The following COL4A5 variants were observed in gnomAD, a reference collection of about 807,000 sequenced individuals.
The protein encoded by COL4A5 is collagen alpha-5(IV) chain.
COL4A5 carries 26 observed loss-of-function variants against 130.2 expected under a neutral mutation model. That is an observed-to-expected ratio of 0.20 (90% CI 0.15 to 0.28). COL4A5 has a LOEUF of 0.28. Among genes scored for constraint, COL4A5 ranks in the 10% least tolerant of loss-of-function variants. The pLI is 1.00. For missense variants in COL4A5, 1,131 were observed against 1,344.3 expected, an observed-to-expected ratio of 0.84 and a Z score of 2.48; for synonymous variants, 496 against 439.6, an observed-to-expected ratio of 1.13 and a Z score of -1.60.
At chrX:108,609,430 G>C (rs1002680292) in intron 29 of COL4A5, among the ~76,000 whole-genome samples, 2 of 111,458 alleles carry the variant, frequency 1.8e-5, no homozygotes, top group African/African-American at 6.5e-5. Context: ...TTGAAAGATG[G>C]TTTGTTTCTC....
At chrX:108,527,928 A>G (rs73526214) in intron 1 of COL4A5, among the ~76,000 whole-genome samples, 11,532 of 111,237 alleles carry the variant, frequency 0.1, 1,299 homozygotes, top group African/African-American at 0.34. Context: ...ACACTGCTCA[A>G]GACCCAGACA....
chrX:108,441,843 T>C lies in COL4A5; in HGVS notation c.81+1637T>C, dbSNP rs180870625. 8.3e-3 allele frequency among the ~76,000 whole-genome samples: 928 copies of C among 112,055 alleles called. 7 individuals are homozygous for C. Among genetic ancestry groups the C allele is most frequent in the Non-Finnish European group, 0.015 (772 of 53,161 alleles). ...TAACAAATTTGCACCAGATGACAAC[T>C]ATACAGGTATGTATAGCAACACTAC... On this transcript the variant is annotated intron_variant, in intron 1 of 52. Transcript: ENST00000328300.
At chrX:108,483,430 A>C (rs2064912884) in intron 1 of COL4A5, among the ~76,000 whole-genome samples, 1 of 111,182 alleles carries the variant, frequency 9.0e-6, no homozygotes, top group Non-Finnish European at 1.9e-5. Flanking sequence ...AAGCTAGGCC[A>C]ATCTCTCCTT....
At chrX:108,581,866 C>A (rs1165084106) in intron 16 of COL4A5, among the ~76,000 whole-genome samples, 2 of 109,587 alleles carry the variant, frequency 1.8e-5, no homozygotes, top group Non-Finnish European at 3.8e-5. Flanking sequence ...TAAATATTCC[C>A]ATACAGTTTT....
intron 36 of COL4A5, among the ~76,000 whole-genome samples, chrX:108,635,519 T>G (rs1046544276): frequency 9.0e-6 from 1 of 111,637 alleles, no homozygotes; most frequent in Non-Finnish European, 1.9e-5. Flanking sequence ...TACTACAGAT[T>G]CATCCCTTTC....
At chrX:108,602,348 C>A (rs763556074) in intron 27 of COL4A5, among the ~76,000 whole-genome samples, 1 of 112,133 alleles carries the variant, frequency 8.9e-6, no homozygotes, top group Admixed American at 9.5e-5. Flanking sequence ...AGAAAACAGA[C>A]TTATTGCAGA....
chrX:108,484,085 G>GT (rs1051586527), intron 1 of COL4A5, among the ~76,000 whole-genome samples: 1 of 111,793 alleles, frequency 8.9e-6, no homozygotes, highest in Non-Finnish European at 1.9e-5. Flanking sequence ...TTTGCTGATA[G>GT]TTTTTTTGTT....
intron 1 of COL4A5, among the ~76,000 whole-genome samples, chrX:108,519,654 T>C (rs1272041120): frequency 9.0e-6 from 1 of 111,201 alleles, no homozygotes; most frequent in Non-Finnish European, 1.9e-5. Flanking sequence ...TATTGTCAGG[T>C]AATACTCTAT....
At chrX:108,591,482 C>G in intron 20 of COL4A5, 79 bp from the exon 21 acceptor site, 1 of 857,895 alleles carries the variant, frequency 1.2e-6, no homozygotes, top group Non-Finnish European at 1.7e-6. Flanking sequence ...AGGTCTTTTT[C>G]TGGCTTGTCA....
Position 108,573,672 on chromosome X carries a change from T to G in COL4A5, c.546+18T>G, listed in dbSNP as rs768946559. The G allele has an allele frequency of 3.6e-6, 4 of 1,105,753 alleles. No individual in the cohort carries two copies. The highest frequency in any genetic ancestry group is 4.4e-5 in the Admixed American group (2 of 45,924). 91.1% of individuals were successfully genotyped at this position (1,105,753 alleles called of 1,213,427 possible). ...GAATACAAGTAAGTATCCAGTGATT[T>G]TCTTTTTTTGCTATATTGATTAAAC... On this transcript the variant is annotated intron_variant, in intron 9 of 52. Coordinates refer to ENST00000328300, the MANE Select transcript of COL4A5 (RefSeq NM_033380.3).
At chrX:108,538,236 T>G (rs970960643) in intron 1 of COL4A5, among the ~76,000 whole-genome samples, 1 of 112,256 alleles carries the variant, frequency 8.9e-6, no homozygotes, top group African/African-American at 3.2e-5. Flanking sequence ...TCAATTCATA[T>G]TTGATGAATG....
At chrX:108,681,116 T>G (rs769726496) in intron 46 of COL4A5, among the ~76,000 whole-genome samples, 160 bp downstream of exon 46, 16 of 111,443 alleles carry the variant, frequency 1.4e-4, no homozygotes, top group South Asian at 3.8e-4. Flanking sequence ...TCTCTTAAAT[T>G]CTCTATTTTA....
At chrX:108,550,331 A>T (rs963324080) in intron 2 of COL4A5, among the ~76,000 whole-genome samples, 1 of 112,099 alleles carries the variant, frequency 8.9e-6, no homozygotes, top group African/African-American at 3.2e-5. Flanking sequence ...ATTGGTTGTG[A>T]CCAAGTGGGA....
rs1366085450 is a variant in COL4A5 at position 108,444,807 on chromosome X, C to T, written c.81+4601C>T. 6.3e-5 allele frequency among the ~76,000 whole-genome samples: 7 copies of T among 111,979 alleles called. No individual in the cohort carries two copies. In the East Asian group the frequency reaches 1.4e-3, roughly 23 times the overall value. ...TGATACATCTGATTCCAGTCCAAGA[C>T]CCTAGAATAAATATACATGATCTCA... On this transcript the variant is annotated intron_variant, in intron 1 of 52. Coordinates refer to ENST00000328300, the MANE Select transcript of COL4A5 (RefSeq NM_033380.3).
intron 36 of COL4A5, among the ~76,000 whole-genome samples, chrX:108,632,930 T>C (rs1446862118): frequency 8.9e-6 from 1 of 111,779 alleles, no homozygotes; most frequent in East Asian, 2.8e-4. Context: ...AAGACAGGAA[T>C]GCCCTCTCTC....
At chrX:108,599,932 T>C (rs1407329079) in intron 25 of COL4A5, among the ~76,000 whole-genome samples, 4 of 112,363 alleles carry the variant, frequency 3.6e-5, no homozygotes, top group Middle Eastern at 4.6e-3. Flanking sequence ...CTTGACTGGA[T>C]AATTACAAAC....
chrX:108,587,807 C>T (rs1333075354), intron 19 of COL4A5, among the ~76,000 whole-genome samples: 1 of 110,565 alleles, frequency 9.0e-6, no homozygotes, highest in East Asian at 2.8e-4. Flanking sequence ...TTGATGATAG[C>T]CATATTAACT....
intron 6 of COL4A5, among the ~76,000 whole-genome samples, chrX:108,570,094 ATAC>A (rs1367725475): frequency 4.5e-5 from 5 of 111,808 alleles, no homozygotes; most frequent in African/African-American, 1.6e-4. Flanking sequence ...ACTGTACTCT[ATAC>A]TTGAGGCAGT....
intron 1 of COL4A5, among the ~76,000 whole-genome samples, chrX:108,489,391 T>C (rs2064975787): frequency 8.9e-6 from 1 of 111,775 alleles, no homozygotes; most frequent in African/African-American, 3.3e-5. Context: ...CACTAGATTA[T>C]GAACTTCTAG....
Sources: gnomAD v4.1 joint callset for allele counts (sites outside exome capture counted in the v4.1 genomes callset) on GRCh38, gnomAD v4.1.1 for gene constraint, MANE v1.5 for transcripts, NCBI Gene and HGNC (gene_info 2026-07-23, HGNC 2026-07-21) for gene names.